PRCD: variants seen among roughly 807,000 people sequenced by gnomAD.
The protein encoded by PRCD is photoreceptor disc component.
Under a neutral mutation model 10.1 loss-of-function variants are expected in PRCD, and 12 were observed. The observed-to-expected ratio is 1.18, with a 90% CI of 0.76 to 1.92. The LOEUF is 1.92. Ranked by LOEUF, PRCD falls within the 40% of genes most tolerant of loss-of-function variation. The pLI is 0.00. For missense variants in PRCD, 61 were observed against 72.2 expected (o/e 0.84, Z 0.56); for synonymous variants, 31 against 26.2 (o/e 1.18, Z -0.56).
intron 1 of PRCD, chr17:76,529,885 ACT>A: frequency 1.0e-6 from 1 of 984,128 alleles, no homozygotes; most frequent in Non-Finnish European, 1.2e-6. Flanking sequence ...CGAGGACTCC[ACT>A]CTCTTGGGGT....
chr17:76,534,144 CTT>C (rs1491221325), intron 1 of PRCD, among the ~76,000 whole-genome samples: 2,753 of 108,634 alleles, frequency 0.025, 37 homozygotes, highest in Non-Finnish European at 0.03. Context: ...CTCTCTTTCT[CTT>C]TCTCTCTCTC....
At chr17:76,548,094 GAC>G (rs941106365), downstream of PRCD, among the ~76,000 whole-genome samples, 3 of 148,992 alleles carry the variant, frequency 2.0e-5, no homozygotes, top group Non-Finnish European at 3.0e-5. Flanking sequence ...AAATAAAACA[GAC>G]ACACAGAAAC....
intron 1 of PRCD, among the ~76,000 whole-genome samples, chr17:76,532,774 C>T (rs780445665): frequency 6.6e-6 from 1 of 151,858 alleles, no homozygotes; most frequent in African/African-American, 2.4e-5. Flanking sequence ...TGACCTCAGG[C>T]GATCCGCCTG....
chr17:76,530,965 G>T lies in PRCD; in HGVS notation n.45+3132G>T. The T allele has an allele frequency of 2.6e-6, 4 of 1,565,154 alleles. No individual in the cohort carries two copies. Among genetic ancestry groups the T allele is most frequent in the South Asian group, 1.2e-5 (1 of 86,004 alleles). On this transcript the variant is annotated intron_variant and non_coding_transcript_variant, in intron 1 of 4. Coordinates refer to the PRCD transcript ENST00000397633. This position sits in a 1 kb window ranked among gnomAD's most constrained non-coding sequence, Gnocchi z 6.1. ...CGGGGAGGCTGCCCAGCCCACCCTCGCCCGCCTCCTCACGTGGTGGCGTTG... is the reference window on the plus strand; with the variant it reads ...CGGGGAGGCTGCCCAGCCCACCCTCTCCCGCCTCCTCACGTGGTGGCGTTG...
chr17:76,528,461 T>C lies in PRCD; in HGVS notation n.45+628T>C, dbSNP rs902444184. The C allele has an allele frequency of 7.0e-6, 7 of 995,146 alleles. 1 individual carries two copies. The Admixed American group carries it at 2.1e-4, about 30-fold the overall frequency. 61.6% of individuals were successfully genotyped at this position (995,146 alleles called of 1,614,324 possible). A position where few individuals can be genotyped will look rare whatever the true frequency, so the allele number is the denominator to read the frequency against. On this transcript the variant is annotated intron_variant and non_coding_transcript_variant, in intron 1 of 4. Transcript: ENST00000397633. The surrounding 1 kb of genome is among the most constrained non-coding windows in gnomAD (Gnocchi z 5.8). ...GCCACAGAGGCCTCCTTCGGGGAAG[T>C]TGAGTCAGGGATTCCTCCAGCTTCC...
chr17:76,528,115 T>G lies in PRCD; in HGVS notation n.45+282T>G. The G allele has an allele frequency of 3.0e-5, 12 of 405,322 alleles. No homozygotes were observed. Among genetic ancestry groups the G allele is most frequent in the Non-Finnish European group, 4.0e-5 (9 of 226,492 alleles). The allele number at this position is 405,322 out of a possible 1,614,324, so 25.1% of individuals were successfully genotyped here. A position where few individuals can be genotyped will look rare whatever the true frequency, so the allele number is the denominator to read the frequency against. ...CGCGGATACACATTCTAGATATGTA[T>G]GTGTGTATATATATATGTATATATA... On this transcript the variant is annotated intron_variant and non_coding_transcript_variant, in intron 1 of 4. Transcript: ENST00000397633. This position sits in a 1 kb window ranked among gnomAD's most constrained non-coding sequence, Gnocchi z 5.8.
chr17:76,539,967 G>C (rs2074966157), upstream of PRCD: 1 of 660,714 alleles, frequency 1.5e-6, no homozygotes, highest in Non-Finnish European at 2.7e-6. Flanking sequence ...AGCTTAATCA[G>C]TCCTCACAAG....
chr17:76,548,427 C>T (rs1196210311), downstream of PRCD, among the ~76,000 whole-genome samples: 1 of 152,172 alleles, frequency 6.6e-6, no homozygotes, highest in Non-Finnish European at 1.5e-5. Context: ...ATGTACAAAC[C>T]CTGTATCAGG....
At position 76,531,263 on chromosome 17, in the gene PRCD, T is replaced by C; in HGVS notation, n.45+3430T>C. 1.6e-6 allele frequency: 2 copies of C among 1,270,280 alleles called. No homozygotes were observed. Among genetic ancestry groups the C allele is most frequent in the Non-Finnish European group, 2.2e-6 (2 of 919,044 alleles). 78.7% of individuals were successfully genotyped at this position (1,270,280 alleles called of 1,614,324 possible). A position where few individuals can be genotyped will look rare whatever the true frequency, so the allele number is the denominator to read the frequency against. Reference sequence around the variant, plus strand: ...TTCCTAACGCAACAGTCTGGCAGCTTTGGGAACCCCGTGCTCTCAGGACAA... The same window carrying C: ...TTCCTAACGCAACAGTCTGGCAGCTCTGGGAACCCCGTGCTCTCAGGACAA... On this transcript the variant is annotated intron_variant and non_coding_transcript_variant, in intron 1 of 4. Transcript: ENST00000397633. The surrounding 1 kb of genome is among the most constrained non-coding windows in gnomAD (Gnocchi z 7.4).
chr17:76,531,649 C>A lies in PRCD; in HGVS notation n.45+3816C>A. The A allele has an allele frequency of 2.5e-6, 4 of 1,610,000 alleles. No homozygotes were observed. The highest frequency in any genetic ancestry group is 3.4e-6 in the Non-Finnish European group (4 of 1,176,506). ...CCAGGGGATCCTCCATGTGCTTGAA[C>A]TGGCTGAAGTACTGCTTGGCCGAGG... is the stretch of plus-strand genomic sequence containing the variant. On this transcript the variant is annotated intron_variant and non_coding_transcript_variant, in intron 1 of 4. Transcript: ENST00000397633. This position sits in a 1 kb window ranked among gnomAD's most constrained non-coding sequence, Gnocchi z 7.4.
At chr17:76,534,177 T>TCTCTCTCTCTCTCTCTCTC (rs36089608) in intron 1 of PRCD, among the ~76,000 whole-genome samples, 1 of 132,288 alleles carries the variant, frequency 7.6e-6, no homozygotes. Flanking sequence ...TCTCTCTCTC[T>TCTCTCTCTCTCTCTCTCTC]TTCTTTCTTT....
rs776196684 is a variant in PRCD at position 76,544,399 on chromosome 17, C to A, written c.*749C>A. On this transcript the variant is annotated 3_prime_UTR_variant, in exon 5 of 5. Transcript: ENST00000592014. Reference sequence around the variant, plus strand: ...AGGGATGCCGCAGAGCAGAGGGAACCGCTGGGGAGGCGCTCAGGGTGGGGG... The same window carrying A: ...AGGGATGCCGCAGAGCAGAGGGAACAGCTGGGGAGGCGCTCAGGGTGGGGG... 1 of 454,884 alleles carries A rather than the reference C, an allele frequency of 2.2e-6. No individual in the cohort carries two copies. The highest frequency in any genetic ancestry group is 2.3e-5 in the Admixed American group (1 of 42,580). 28.2% of individuals were successfully genotyped at this position (454,884 alleles called of 1,614,324 possible).
In PRCD at chr17:76,528,180, A is replaced by G. The variant is rs2074789419; in HGVS notation, n.45+347A>G. On this transcript the variant is annotated intron_variant and non_coding_transcript_variant, in intron 1 of 4. Transcript: ENST00000397633. The surrounding 1 kb of genome is among the most constrained non-coding windows in gnomAD (Gnocchi z 5.8). The stretch of plus-strand genomic sequence containing the variant: ...TCGTATATAGAATATATCTGTATAT[A>G]TGGTAGATGTGTGCGTGATACTCTA... 3 of 396,246 alleles carry G rather than the reference A, an allele frequency of 7.6e-6. No individual in the cohort carries two copies. Among genetic ancestry groups the G allele is most frequent in the East Asian group, 3.6e-5 (1 of 27,914 alleles). 24.5% of individuals were successfully genotyped at this position (396,246 alleles called of 1,614,324 possible).
intron 1 of PRCD, among the ~76,000 whole-genome samples, chr17:76,552,431 C>T (rs550370168): frequency 1.3e-5 from 2 of 151,892 alleles, no homozygotes; most frequent in Non-Finnish European, 2.9e-5. Context: ...AATCTCCTGA[C>T]CTCGTGATCC....
In PRCD at chr17:76,544,888, G is replaced by C. The variant is rs189599263; in HGVS notation, c.*1238G>C. On this transcript the variant is annotated 3_prime_UTR_variant, in exon 5 of 5. Transcript: ENST00000592014. Reference sequence around the variant, plus strand: ...CCCAGACGCACTTCCCCAGGGCAGCGCCCCTCCACGCCACTGTTCCGAGAA... The same window carrying C: ...CCCAGACGCACTTCCCCAGGGCAGCCCCCCTCCACGCCACTGTTCCGAGAA... 2.4e-5 allele frequency: 11 copies of C among 456,766 alleles called. No homozygotes were observed. The highest frequency in any genetic ancestry group is 1.7e-4 in the South Asian group (11 of 64,578). The allele number at this position is 456,766 out of a possible 1,614,324, so 28.3% of individuals were successfully genotyped here.
chr17:76,543,160 C>T, intron 4 of PRCD, 39 bp downstream of exon 4: 1 of 464,410 alleles, frequency 2.2e-6, no homozygotes, highest in South Asian at 1.6e-5. Context: ...TGCCAGTCTC[C>T]CCTTCCCCCA....
chr17:76,540,084 G>C lies in PRCD; in HGVS notation c.-58G>C. On this transcript the variant is annotated 5_prime_UTR_variant, in exon 1 of 5. Transcript: ENST00000592014. The surrounding 1 kb of genome is among the most constrained non-coding windows in gnomAD (Gnocchi z 5.0). ...CTGAGAGCTGGCTGGGGCCATTTTG[G>C]CCCCTCGCCTGTGGCCTTCTGCAGA... The C allele has an allele frequency of 6.5e-7, 1 of 1,544,582 alleles. No individual in the cohort carries two copies. Among genetic ancestry groups the C allele is most frequent in the South Asian group, 1.2e-5 (1 of 84,630 alleles).
At chr17:76,542,834 G>A (rs760185146) in intron 3 of PRCD, among the ~76,000 whole-genome samples, 195 bp from the exon 4 acceptor site, 1 of 152,206 alleles carries the variant, frequency 6.6e-6, no homozygotes, top group Non-Finnish European at 1.5e-5. Flanking sequence ...GGGCAAGGAT[G>A]AGTTTGAAGA....
downstream of PRCD, among the ~76,000 whole-genome samples, chr17:76,548,078 A>G (rs1211055487): frequency 6.6e-6 from 1 of 151,994 alleles, no homozygotes; most frequent in Non-Finnish European, 1.5e-5. Flanking sequence ...ATACATGTAC[A>G]CACACAAATA....
Sources: gnomAD v4.1 joint callset for allele counts (sites outside exome capture counted in the v4.1 genomes callset) on GRCh38, gnomAD v4.1.1 for gene constraint, Gnocchi (gnomAD v3.1) non-coding constraint, MANE v1.5 for transcripts, NCBI Gene and HGNC (gene_info 2026-07-23, HGNC 2026-07-21) for gene names.